Variants in INTS7 observed in about 807,000 individuals in gnomAD.
The protein encoded by INTS7 is chromosome 1 open reading frame 73.
Under a neutral mutation model 109.2 loss-of-function variants are expected in INTS7, and 46 were observed. The ratio of observed to expected loss-of-function variants is 0.42; its 90% CI spans 0.33 to 0.54. The LOEUF (loss-of-function observed/expected upper bound fraction) is 0.54. Among genes scored for constraint, INTS7 ranks in the 20% least tolerant of loss-of-function variants. INTS7 has a pLI of 0.07. For missense variants in INTS7, 929 were observed against 1,132.4 expected, an observed-to-expected ratio of 0.82 and a Z score of 2.58; for synonymous variants, 412 against 402.9, an observed-to-expected ratio of 1.02 and a Z score of -0.27.
In INTS7 at chr1:211,983,860, T is replaced by G. The variant is rs60832796; in HGVS notation, c.998-1050A>C. Among the ~76,000 whole-genome samples the G allele has an allele frequency of 5.3e-3, 800 of 151,862 alleles. 8 individuals carry two copies. The highest frequency in any genetic ancestry group is 0.017 in the African/African-American group (721 of 41,482). ...GTTTTTGTTTGTTTTGTTTTGTTTT[T>G]TTTTTGAGACAGAGTCTCACTCTGT... On this transcript the variant is annotated intron_variant, in intron 8 of 19. Coordinates refer to ENST00000366994, the MANE Select transcript of INTS7 (RefSeq NM_015434.4).
Position 212,006,696 on chromosome 1 carries a change from T to C in INTS7, c.822A>G (p.Gln274=), listed in dbSNP as rs1665925160. The change falls in exon 7 of 20, where the codon CAA becomes CAG. Residue 274 remains glutamine (Q), a synonymous_variant. Coordinates refer to ENST00000366994, the MANE Select transcript of INTS7 (RefSeq NM_015434.4). ...PRKAVKRLAI[Q]DLKLLANKTP... is the part of the protein sequence containing the mutation. The stretch of plus-strand genomic sequence containing the variant: ...TTTTATTAGCAAGTAATTTCAGATC[T>C]TGAATAGCAAGTCTCTTTACTGCCT... 1 of 1,598,462 alleles carries C rather than the reference T, an allele frequency of 6.3e-7. No individual in the cohort carries two copies.
At position 212,016,984 on chromosome 1, in the gene INTS7, C is replaced by T; in HGVS notation, c.411G>A (p.Lys137=). ...GSLASIIPER[K]NAHHSIRQSL... ...TCTGACGAATACTATGATGAGCATT[C>T]TTCCTCTCAGGAATTATTGATGCCA... Residue 137 remains lysine, a synonymous_variant, in exon 4 of 20, where the codon AAG becomes AAA. Transcript: ENST00000366994. 1 of 1,601,758 alleles carries T rather than the reference C, an allele frequency of 6.2e-7. No homozygotes were observed. The highest frequency in any genetic ancestry group is 8.5e-7 in the Non-Finnish European group (1 of 1,175,056).
At chr1:212,016,017 G>A (rs1666425392) in intron 4 of INTS7, among the ~76,000 whole-genome samples, 2 of 151,458 alleles carry the variant, frequency 1.3e-5, no homozygotes, top group Admixed American at 1.3e-4. Flanking sequence ...AACCTATTAT[G>A]TAACCTGCTT....
chr1:212,018,920 G>A (rs558388828), intron 3 of INTS7, among the ~76,000 whole-genome samples: 112 of 152,062 alleles, frequency 7.4e-4, no homozygotes, highest in African/African-American at 2.6e-3. Flanking sequence ...ATTCCTATAG[G>A]TATATTTGCT....
intron 1 of INTS7, among the ~76,000 whole-genome samples, chr1:212,027,641 CATT>C (rs1666987468): frequency 6.6e-6 from 1 of 152,256 alleles, no homozygotes; most frequent in Admixed American, 6.5e-5. Flanking sequence ...ATTATTCTAA[CATT>C]ATTTCGCACT....
At position 212,021,507 on chromosome 1, in the gene INTS7, G is replaced by A. The variant is rs553663727; in HGVS notation, c.95-295C>T. Among the ~76,000 whole-genome samples, 13 of 151,494 alleles carry A rather than the reference G, an allele frequency of 8.6e-5. 1 individual carries two copies. Among genetic ancestry groups the A allele is most frequent in the Admixed American group, 1.3e-4 (2 of 15,194 alleles). ...TTTAAAAGGACTGAAATCATACAACGTATGTTTTCTGACCACATGGAATTA... is the reference window on the plus strand; with the variant it reads ...TTTAAAAGGACTGAAATCATACAACATATGTTTTCTGACCACATGGAATTA... On this transcript the variant is annotated intron_variant, in intron 1 of 19. Transcript: ENST00000366994.
chr1:211,948,996 T>C (rs1662967096), intron 17 of INTS7, among the ~76,000 whole-genome samples: 1 of 152,272 alleles, frequency 6.6e-6, no homozygotes. Flanking sequence ...TAAGGCACTG[T>C]GCCTGGACAA....
intron 1 of INTS7, among the ~76,000 whole-genome samples, chr1:212,027,893 C>G (rs1379608801): frequency 6.6e-6 from 1 of 152,026 alleles, no homozygotes; most frequent in Non-Finnish European, 1.5e-5. Context: ...GTGGCGCAAT[C>G]TCAGCTCACT....
Position 211,959,999 on chromosome 1 carries a change from A to G in INTS7, c.2183+6431T>C, listed in dbSNP as rs954171809. Among the ~76,000 whole-genome samples, 3 of 152,220 alleles carry G rather than the reference A, an allele frequency of 2.0e-5. No homozygotes were observed. Among genetic ancestry groups the G allele is most frequent in the Admixed American group, 6.5e-5 (1 of 15,286 alleles). On this transcript the variant is annotated intron_variant, in intron 16 of 19. Transcript: ENST00000366994. This position sits in a 1 kb window ranked among gnomAD's most constrained non-coding sequence, Gnocchi z 4.2. ...GCTGTTGCTGCTGCTGGTATGTGCA[A>G]CTGAGGATGGATCCTGCTGCCAACA...
In INTS7 at chr1:211,959,721, T is replaced by G. The variant is rs1663531379; in HGVS notation, c.2183+6709A>C. On this transcript the variant is annotated intron_variant, in intron 16 of 19. Coordinates refer to ENST00000366994, the MANE Select transcript of INTS7 (RefSeq NM_015434.4). This position sits in a 1 kb window ranked among gnomAD's most constrained non-coding sequence, Gnocchi z 4.2. The stretch of plus-strand genomic sequence containing the variant: ...GAGTGAAACCAGGCGTGAACAACAA[T>G]GGACCTTCCCCTGCCCTAAGTGGCT... 2.0e-5 allele frequency among the ~76,000 whole-genome samples: 3 copies of G among 152,160 alleles called. No individual in the cohort carries two copies. The highest frequency in any genetic ancestry group is 2.0e-4 in the Admixed American group (3 of 15,278).
chr1:211,995,893 T>C (rs1389828944), intron 7 of INTS7, among the ~76,000 whole-genome samples: 2 of 152,166 alleles, frequency 1.3e-5, no homozygotes, highest in African/African-American at 4.8e-5. Context: ...GCTGGAGTCA[T>C]GATTTTAGAC....
chr1:211,971,678 G>T (rs145446125), intron 13 of INTS7, among the ~76,000 whole-genome samples: 3,932 of 152,300 alleles, frequency 0.026, 57 homozygotes, highest in African/African-American at 0.045. Flanking sequence ...CACTTTGGGA[G>T]GCCAAGGCGG....
At chr1:212,014,114 GCTTT>G (rs1307328114) in intron 4 of INTS7, among the ~76,000 whole-genome samples, 1 of 152,208 alleles carries the variant, frequency 6.6e-6, no homozygotes, top group East Asian at 1.9e-4. Context: ...AAAATTATAT[GCTTT>G]CTATTATCTA....
intron 4 of INTS7, among the ~76,000 whole-genome samples, chr1:212,012,226 G>A (rs757538142): frequency 6.6e-6 from 1 of 152,080 alleles, no homozygotes; most frequent in Non-Finnish European, 1.5e-5. Context: ...CCAGGGACTA[G>A]CAATTTAGAA....
chr1:212,023,336 A>G (rs1666788339), intron 1 of INTS7, among the ~76,000 whole-genome samples: 1 of 152,222 alleles, frequency 6.6e-6, no homozygotes, highest in Admixed American at 6.5e-5. Flanking sequence ...TGCTTTCTAC[A>G]CTGGCTGAAC....
At chr1:211,977,359 G>A (rs1172517056) in intron 11 of INTS7, among the ~76,000 whole-genome samples, 1 of 152,060 alleles carries the variant, frequency 6.6e-6, no homozygotes, top group Non-Finnish European at 1.5e-5. Flanking sequence ...CAATCTTAAG[G>A]TAGTACTCAC....
intron 4 of INTS7, 188 bp from the exon 5 acceptor site, chr1:212,011,609 C>T (rs911996802): frequency 3.5e-6 from 2 of 576,710 alleles, no homozygotes. Context: ...AACTCCAGCA[C>T]CAAATGGGCT....
rs538892253 is a variant in INTS7 at position 211,993,191 on chromosome 1, T to C, written c.880-5188A>G. Among the ~76,000 whole-genome samples, 4 of 152,366 alleles carry C rather than the reference T, an allele frequency of 2.6e-5. No individual in the cohort carries two copies. The South Asian group carries it at 6.2e-4, about 24-fold the overall frequency. On this transcript the variant is annotated intron_variant, in intron 7 of 19. Transcript: ENST00000366994. ...AAACTTTCTGTCTCCTTTGCAGTTA[T>C]GCAAAGAAAAAGATTATTACAAGAA...
chr1:211,988,691 G>A (rs558955796), intron 7 of INTS7, among the ~76,000 whole-genome samples: 28 of 152,186 alleles, frequency 1.8e-4, no homozygotes, highest in African/African-American at 6.3e-4. Context: ...CTATCGTCTC[G>A]ATTTTTCTGT....
Sources: allele counts gnomAD v4.1 joint callset (sites outside exome capture counted in the v4.1 genomes callset), GRCh38; gene constraint gnomAD v4.1.1; non-coding constraint Gnocchi (gnomAD v3.1); transcripts MANE v1.5; gene names NCBI Gene and HGNC (gene_info 2026-07-23, HGNC 2026-07-21).